Variants in CUTC observed in about 807,000 individuals in gnomAD.
The protein encoded by CUTC is cutC copper transporter.
A neutral mutation model predicts 36.2 loss-of-function variants in CUTC; 27 were observed. The ratio of observed to expected loss-of-function variants is 0.75; its 90% CI spans 0.55 to 1.03. The LOEUF (loss-of-function observed/expected upper bound fraction) is 1.03. Ranked by LOEUF, CUTC falls within the 50% of genes least tolerant of loss-of-function variation. The pLI is 0.00. For missense variants in CUTC, 315 were observed against 343.5 expected, an observed-to-expected ratio of 0.92 and a Z score of 0.66; for synonymous variants, 114 against 118.3, an observed-to-expected ratio of 0.96 and a Z score of 0.24.
chr10:99,737,694 T>A (rs1055865745), intron 2 of CUTC, among the ~76,000 whole-genome samples: 9 of 152,198 alleles, frequency 5.9e-5, no homozygotes, highest in African/African-American at 2.2e-4. Flanking sequence ...ATTCTTAGTT[T>A]GCAGGCCATA....
chr10:99,734,085 T>G (rs1590115774), intron 1 of CUTC, among the ~76,000 whole-genome samples: 2 of 79,572 alleles, frequency 2.5e-5, no homozygotes, highest in East Asian at 8.7e-4. Context: ...TTTTTTTTTT[T>G]TGAGACGGAG....
At chr10:99,751,922 TA>T (rs1313384537) in intron 7 of CUTC, among the ~76,000 whole-genome samples, 1 of 152,220 alleles carries the variant, frequency 6.6e-6, no homozygotes, top group Non-Finnish European at 1.5e-5. Context: ...TTTATCAGAT[TA>T]TTTCCTCATG....
At chr10:99,739,837 T>TTGC in intron 3 of CUTC, 68 bp downstream of exon 3, 2 of 1,312,880 alleles carry the variant, frequency 1.5e-6, no homozygotes, top group Non-Finnish European at 2.2e-6. Flanking sequence ...TGATAATCAG[T>TTGC]TTCGTTGGGG....
At chr10:99,750,022 A>C (rs1239887577) in intron 6 of CUTC, among the ~76,000 whole-genome samples, 2 of 152,182 alleles carry the variant, frequency 1.3e-5, no homozygotes, top group East Asian at 3.8e-4. Flanking sequence ...ATTTTATCAC[A>C]TAAGTACATA....
Position 99,743,280 on chromosome 10 carries a change from G to C in CUTC, c.321G>C (p.Lys107Asn). ...TGAAGGCTGACATTCGTCTTGCCAA[G>C]CTTTATGGTGCTGATGGTTTGGTTT... is the stretch of plus-strand genomic sequence containing the variant. ...EVMKADIRLAKLYGADGLVFG... is the reference protein window; with the variant it reads ...EVMKADIRLANLYGADGLVFG... The change falls in exon 4 of 9, where the codon AAG becomes AAC. Residue 107 changes from lysine (K) to asparagine (N), a missense_variant. Transcript: ENST00000370476. 6.2e-7 allele frequency: 1 copy of C among 1,614,154 alleles called. No homozygotes were observed.
At chr10:99,741,519 C>A (rs559978532) in intron 3 of CUTC, among the ~76,000 whole-genome samples, 4 of 152,102 alleles carry the variant, frequency 2.6e-5, no homozygotes, top group African/African-American at 9.6e-5. Context: ...TCATTCCTTC[C>A]TTTCCTTTCT....
In CUTC at chr10:99,743,306, T is replaced by G. The variant is rs1163415964; in HGVS notation, c.347T>G (p.Phe116Cys). The G allele has an allele frequency of 6.2e-7, 1 of 1,614,174 alleles. No individual in the cohort carries two copies. The highest frequency in any genetic ancestry group is 1.3e-5 in the African/African-American group (1 of 75,048). ...AKLYGADGLV[F>C]GALTEDGHID... ...CTTTATGGTGCTGATGGTTTGGTTT[T>G]TGGGGCATTGACTGAAGATGGACAC... is the stretch of plus-strand genomic sequence containing the variant. Residue 116 changes from phenylalanine (F) to cysteine (C), a missense_variant, in exon 4 of 9, where the codon TTT (phenylalanine) becomes TGT (cysteine). Transcript: ENST00000370476.
rs150568266 is a variant in CUTC at position 99,750,071 on chromosome 10, A to G, written c.574-298A>G. 3.5e-3 allele frequency among the ~76,000 whole-genome samples: 531 copies of G among 152,202 alleles called. 2 individuals carry two copies. Among genetic ancestry groups the G allele is most frequent in the African/African-American group, 0.012 (481 of 41,544 alleles). On this transcript the variant is annotated intron_variant, in intron 6 of 8. Transcript: ENST00000370476. Reference sequence around the variant, plus strand: ...ATACAGAAGTTCACAAAGAAATATGACTTAGAATTGGGGGCTTATATACCA... The same window carrying G: ...ATACAGAAGTTCACAAAGAAATATGGCTTAGAATTGGGGGCTTATATACCA...
intron 6 of CUTC, among the ~76,000 whole-genome samples, chr10:99,748,298 T>C (rs1311862282): frequency 6.6e-6 from 1 of 152,246 alleles, no homozygotes; most frequent in East Asian, 1.9e-4. Context: ...ATACTAGGTC[T>C]TAATAATGTT....
In CUTC at chr10:99,738,389, G is replaced by GGTGTGTGTGT. The variant is rs10693937; in HGVS notation, c.134-1292_134-1283dup. 3.5e-3 allele frequency among the ~76,000 whole-genome samples: 506 copies of GGTGTGTGTGT among 142,956 alleles called. 6 individuals are homozygous for GGTGTGTGTGT. The highest frequency in any genetic ancestry group is 8.5e-3 in the East Asian group (41 of 4,834). The allele number at this position is 142,956 out of a possible 152,430, so 93.8% of individuals were successfully genotyped here. A position where few individuals can be genotyped will look rare whatever the true frequency, so the allele number is the denominator to read the frequency against. On this transcript the variant is annotated intron_variant, in intron 2 of 8. Transcript: ENST00000370476. ...AGATTTCTCCAGTTGACTCATACAGGGTGTGTGTGTGTGTGTGTGTGTGTG... is the reference window on the plus strand; with the variant it reads ...AGATTTCTCCAGTTGACTCATACAGGGTGTGTGTGTGTGTGTGTGTGTGTGTGTGTGTGTG...
At chr10:99,735,501 G>T (rs1315585856) in intron 1 of CUTC, among the ~76,000 whole-genome samples, 1 of 152,118 alleles carries the variant, frequency 6.6e-6, no homozygotes, top group Non-Finnish European at 1.5e-5. Flanking sequence ...TCCACCTCCT[G>T]GGTTCAAGCG....
Position 99,743,167 on chromosome 10 carries a change from G to C in CUTC, c.208G>C (p.Val70Leu). ...TTPSMGVLQV[V>L]KQSVQIPVFV... ...TTTTCTTGTAGGTGTCCTTCAAGTA[G>C]TGAAGCAGAGTGTTCAGATCCCAGT... The change falls in exon 4 of 9, where the codon GTG (valine) becomes CTG (leucine). Residue 70 changes from valine (V) to leucine (L), a missense_variant. Val to Leu is a conservative substitution (Grantham distance 32). Coordinates refer to ENST00000370476, the MANE Select transcript of CUTC (RefSeq NM_015960.3). The C allele has an allele frequency of 6.2e-7, 1 of 1,614,086 alleles. No homozygotes were observed.
intron 3 of CUTC, among the ~76,000 whole-genome samples, chr10:99,741,519 C>G (rs559978532): frequency 6.6e-6 from 1 of 152,102 alleles, no homozygotes; most frequent in East Asian, 1.9e-4. Context: ...TCATTCCTTC[C>G]TTTCCTTTCT....
In CUTC at chr10:99,755,925, C is replaced by G; in HGVS notation, c.*186C>G. 1.9e-6 allele frequency: 1 copy of G among 539,864 alleles called. No homozygotes were observed. Among genetic ancestry groups the G allele is most frequent in the South Asian group, 2.7e-5 (1 of 37,340 alleles). 33.4% of individuals were successfully genotyped at this position (539,864 alleles called of 1,614,324 possible). Reference sequence around the variant, plus strand: ...ATTTGAAACAGAGATACAGTCACTTCCTTTGCTTAGTCTTACCAGTGATTG... The same window carrying G: ...ATTTGAAACAGAGATACAGTCACTTGCTTTGCTTAGTCTTACCAGTGATTG... On this transcript the variant is annotated 3_prime_UTR_variant, in exon 9 of 9. Transcript: ENST00000370476.
intron 5 of CUTC, among the ~76,000 whole-genome samples, chr10:99,746,308 G>C (rs564992187): frequency 1.3e-5 from 2 of 152,234 alleles, no homozygotes; most frequent in Admixed American, 1.3e-4. Flanking sequence ...GGAGCTAAAT[G>C]ATGAGAACAC....
At chr10:99,744,942 AG>A (rs1206544792) in intron 5 of CUTC, among the ~76,000 whole-genome samples, 7 of 152,226 alleles carry the variant, frequency 4.6e-5, no homozygotes, top group Admixed American at 4.6e-4. Context: ...TAGTAGAAAC[AG>A]GGTTTCACCA....
At chr10:99,741,757 A>C (rs1008662907) in intron 3 of CUTC, among the ~76,000 whole-genome samples, 1 of 152,100 alleles carries the variant, frequency 6.6e-6, no homozygotes. Context: ...TGTTTGGTAG[A>C]GATGGAGTCT....
intron 7 of CUTC, among the ~76,000 whole-genome samples, chr10:99,752,738 A>G (rs970387190): frequency 6.6e-6 from 1 of 152,218 alleles, no homozygotes; most frequent in Non-Finnish European, 1.5e-5. Context: ...ACATACAAAA[A>G]TATTTGTGAT....
At chr10:99,739,842 T>TTTTCTGATTGGAGTTCATAGAGCC in intron 3 of CUTC, 73 bp downstream of exon 3, 1 of 1,209,422 alleles carries the variant, frequency 8.3e-7, no homozygotes, top group Non-Finnish European at 1.2e-6. Context: ...ATCAGTTTCG[T>TTTTCTGATTGGAGTTCATAGAGCC]TGGGGTCCTT....
Sources: gnomAD v4.1 joint callset for allele counts (sites outside exome capture counted in the v4.1 genomes callset) on GRCh38, gnomAD v4.1.1 for gene constraint, MANE v1.5 for transcripts, NCBI Gene and HGNC (gene_info 2026-07-23, HGNC 2026-07-21) for gene names.